The following PXK variants were observed in gnomAD, a reference collection of about 807,000 sequenced individuals.
PXK encodes the protein PX domain-containing protein kinase-like protein.
PXK carries 35 observed loss-of-function variants against 84.7 expected under a neutral mutation model. The observed-to-expected ratio is 0.41, with a 90% CI of 0.32 to 0.55. The LOEUF (loss-of-function observed/expected upper bound fraction) is 0.55. Ranked by LOEUF, PXK falls within the 20% of genes least tolerant of loss-of-function variation. The pLI, the probability that PXK is intolerant of heterozygous loss-of-function variation, is 0.21. For missense variants in PXK, 634 were observed against 699.7 expected, an observed-to-expected ratio of 0.91 and a Z score of 1.06; for synonymous variants, 253 against 260.8, an observed-to-expected ratio of 0.97 and a Z score of 0.29.
chr3:58,350,106 A>G (rs1394722619), intron 1 of PXK, among the ~76,000 whole-genome samples: 1 of 152,216 alleles, frequency 6.6e-6, no homozygotes, highest in Non-Finnish European at 1.5e-5. Context: ...ATTAACTACT[A>G]TTCAAATTGC....
chr3:58,347,491 A>G (rs1458986716), intron 1 of PXK, among the ~76,000 whole-genome samples: 3 of 152,168 alleles, frequency 2.0e-5, no homozygotes, highest in African/African-American at 7.2e-5. Context: ...ATCTTATACA[A>G]TATAGTCTTT....
At chr3:58,423,527 A>G (rs1215724628) in intron 17 of PXK, 4 of 1,535,858 alleles carry the variant, frequency 2.6e-6, no homozygotes, top group African/African-American at 1.4e-5. Context: ...ACTTTAACCC[A>G]TACCTGTCAC....
At chr3:58,353,652 T>C (rs1308190924) in intron 1 of PXK, among the ~76,000 whole-genome samples, 1 of 152,236 alleles carries the variant, frequency 6.6e-6, no homozygotes, top group East Asian at 1.9e-4. Context: ...AGCTGAATTC[T>C]ATGAGAATTT....
At chr3:58,386,621 A>G (rs1382702852) in intron 4 of PXK, among the ~76,000 whole-genome samples, 2 of 152,066 alleles carry the variant, frequency 1.3e-5, no homozygotes, top group Non-Finnish European at 2.9e-5. Context: ...TTAACAAGGT[A>G]CTTCTATCAT....
intron 2 of PXK, among the ~76,000 whole-genome samples, chr3:58,368,941 G>A (rs1398622045): frequency 6.6e-6 from 1 of 152,246 alleles, no homozygotes; most frequent in African/African-American, 2.4e-5. Context: ...GAATCAGGGC[G>A]ATGTATGTGT....
At position 58,382,553 on chromosome 3, in the gene PXK, A is replaced by T. The variant is rs568980499; in HGVS notation, c.241A>T (p.Ile81Phe). 3.2e-6 allele frequency: 5 copies of T among 1,585,656 alleles called. No individual in the cohort carries two copies. The South Asian group carries it at 5.8e-5, about 19-fold the overall frequency. Residue 81 changes from isoleucine (I) to phenylalanine (F), a missense_variant, in exon 4 of 18, where the codon ATT (isoleucine) becomes TTT (phenylalanine). This residue lies in a region of PXK where 353 missense variants were observed against 385.2 expected (regional missense o/e 0.92). Transcript: ENST00000356151. ...TCTACCTCTTCCTCCCAAAAAATTGATTGGTAACATGGATCGTGAATTCAT... is the reference window on the plus strand; with the variant it reads ...TCTACCTCTTCCTCCCAAAAAATTGTTTGGTAACATGGATCGTGAATTCAT... ...LSLPLPPKKL[I>F]GNMDREFIAE...
At chr3:58,337,476 G>C (rs182033631) in intron 1 of PXK, among the ~76,000 whole-genome samples, 4 of 151,900 alleles carry the variant, frequency 2.6e-5, no homozygotes, top group Admixed American at 6.6e-5. Flanking sequence ...GGATTCCAAG[G>C]TCTTTTTTTT....
rs542030614 is a variant in PXK at position 58,424,074 on chromosome 3, CAGAG to C, written c.1529-674_1529-671del. 8.1e-3 allele frequency among the ~76,000 whole-genome samples: 1,229 copies of C among 152,304 alleles called. 8 individuals are homozygous for C. The highest frequency in any genetic ancestry group is 0.017 in the Middle Eastern group (5 of 294). On this transcript the variant is annotated intron_variant, in intron 17 of 17. Coordinates refer to ENST00000356151, the MANE Select transcript of PXK (RefSeq NM_017771.5). The stretch of plus-strand genomic sequence containing the variant: ...GGATTTCTCTGTAAGAATACCATGG[CAGAG>C]AGACCCCTCTGCCCCCTGCTTTGCA...
chr3:58,403,196 G>A (rs1353692817), intron 12 of PXK, among the ~76,000 whole-genome samples: 1 of 151,784 alleles, frequency 6.6e-6, no homozygotes, highest in Non-Finnish European at 1.5e-5. Context: ...GTAGAGATGG[G>A]GTTTCACCAT....
chr3:58,423,949 C>A (rs2062387532), intron 17 of PXK, among the ~76,000 whole-genome samples: 1 of 152,198 alleles, frequency 6.6e-6, no homozygotes, highest in African/African-American at 2.4e-5. Context: ...TGCGGTACAG[C>A]ACGACATTCT....
intron 1 of PXK, among the ~76,000 whole-genome samples, chr3:58,334,995 C>T (rs1228444981): frequency 7.2e-5 from 8 of 110,584 alleles, no homozygotes; most frequent in Non-Finnish European, 3.7e-5. Flanking sequence ...GTAGAGACAG[C>T]GTCTCACCAT....
intron 17 of PXK, chr3:58,423,006 G>C: frequency 1.0e-6 from 1 of 985,374 alleles, no homozygotes; most frequent in Non-Finnish European, 1.2e-6. Flanking sequence ...TATTGGGTGG[G>C]AGGGTGCTGG....
At chr3:58,415,507 C>T (rs2060821156) in intron 17 of PXK, among the ~76,000 whole-genome samples, 1 of 152,252 alleles carries the variant, frequency 6.6e-6, no homozygotes, top group East Asian at 1.9e-4. Flanking sequence ...CATGCCTTCC[C>T]TGGGCACATC....
Position 58,401,493 on chromosome 3 carries a change from G to T in PXK, c.1181+2116G>T, listed in dbSNP as rs967081049. On this transcript the variant is annotated intron_variant, in intron 12 of 17. Coordinates refer to ENST00000356151, the MANE Select transcript of PXK (RefSeq NM_017771.5). The surrounding 1 kb of genome is among the most constrained non-coding windows in gnomAD (Gnocchi z 4.4). ...CAAAATTAGCTAGGCGTGGTGGTGT[G>T]CACCAAGTAATAATCCCAGCTACTT... 1.3e-5 allele frequency among the ~76,000 whole-genome samples: 2 copies of T among 152,084 alleles called. No homozygotes were observed. The highest frequency in any genetic ancestry group is 2.9e-5 in the Non-Finnish European group (2 of 68,018).
intron 7 of PXK, among the ~76,000 whole-genome samples, chr3:58,394,460 A>G (rs577540762): frequency 1.3e-5 from 2 of 152,314 alleles, no homozygotes; most frequent in East Asian, 3.9e-4. Flanking sequence ...TACTGTGGAA[A>G]GGGCTGAGAT....
intron 17 of PXK, chr3:58,413,394 G>A (rs2060497658): frequency 5.8e-6 from 1 of 172,572 alleles, no homozygotes; most frequent in Non-Finnish European, 1.2e-5. Flanking sequence ...CCTAGGTGGA[G>A]GAGTGAAAGA....
chr3:58,334,444 A>C (rs945683876), intron 1 of PXK, among the ~76,000 whole-genome samples: 1 of 152,224 alleles, frequency 6.6e-6, no homozygotes, highest in Non-Finnish European at 1.5e-5. Context: ...ATAGGGAGTC[A>C]AGAGTAATTC....
rs774074878 is a variant in PXK at position 58,365,831 on chromosome 3, C to G, written c.103-43C>G. 12 of 1,411,240 alleles carry G rather than the reference C, an allele frequency of 8.5e-6. No homozygotes were observed. In the East Asian group the frequency reaches 3.0e-4, roughly 36 times the overall value. The allele number at this position is 1,411,240 out of a possible 1,614,324, so 87.4% of individuals were successfully genotyped here. A position where few individuals can be genotyped will look rare whatever the true frequency, so the allele number is the denominator to read the frequency against. On this transcript the variant is annotated intron_variant, in intron 1 of 17. Coordinates refer to ENST00000356151, the MANE Select transcript of PXK (RefSeq NM_017771.5). Reference sequence around the variant, plus strand: ...TTGATTCCCTGCTTTGGGAATCAAACTCAGTTTTATAACTGAGGTTATTCT... The same window carrying G: ...TTGATTCCCTGCTTTGGGAATCAAAGTCAGTTTTATAACTGAGGTTATTCT...
In PXK at chr3:58,425,404, T is replaced by G. The variant is rs2062692337; in HGVS notation, c.*444T>G. 1 of 161,922 alleles carries G rather than the reference T, an allele frequency of 6.2e-6. No homozygotes were observed. The highest frequency in any genetic ancestry group is 6.0e-5 in the Admixed American group (1 of 16,732). 10.0% of individuals were successfully genotyped at this position (161,922 alleles called of 1,614,324 possible). ...TCTAAAGCATTTTCTGATTCTTAGA[T>G]AACTCCAATTTTTGCTACCTTTATC... On this transcript the variant is annotated 3_prime_UTR_variant, in exon 18 of 18. Coordinates refer to ENST00000356151, the MANE Select transcript of PXK (RefSeq NM_017771.5).
Sources: gnomAD v4.1 joint callset for allele counts (sites outside exome capture counted in the v4.1 genomes callset) on GRCh38, gnomAD v4.1.1 for gene constraint, gnomAD v4.1.1 regional missense constraint, Gnocchi (gnomAD v3.1) non-coding constraint, MANE v1.5 for transcripts, NCBI Gene and HGNC (gene_info 2026-07-23, HGNC 2026-07-21) for gene names.